ANKS1B: variants seen among roughly 807,000 people sequenced by gnomAD.
ANKS1B encodes the protein ankyrin repeat and sterile alpha motif domain containing 1B, also known as ankyrin repeat and sterile alpha motif domain-containing protein 1B.
Under a neutral mutation model 148.3 loss-of-function variants are expected in ANKS1B, and 36 were observed. The observed-to-expected ratio is 0.24, with a 90% CI of 0.19 to 0.32. The LOEUF (loss-of-function observed/expected upper bound fraction) is 0.32, where lower values mean the gene tolerates loss of function less well. Ranked by LOEUF, ANKS1B falls within the 10% of genes least tolerant of loss-of-function variation. The pLI is 1.00. For synonymous variants in ANKS1B, 542 were observed against 560.8 expected (o/e 0.97, Z 0.47); for missense variants, 1,157 against 1,542.6 (o/e 0.75, Z 4.19).
intron 12 of ANKS1B, among the ~76,000 whole-genome samples, chr12:99,381,607 G>A (rs73151152): frequency 0.13 from 19,106 of 152,110 alleles, 1,296 homozygotes; most frequent in African/African-American, 0.18. Flanking sequence ...GACTTTGTCC[G>A]TTGCATTTAG....
chr12:99,969,577 T>A (rs1343283849), intron 1 of ANKS1B, among the ~76,000 whole-genome samples: 1 of 152,232 alleles, frequency 6.6e-6, no homozygotes, highest in African/African-American at 2.4e-5. Context: ...TTACTGTTCA[T>A]GTGCTATCAA....
intron 14 of ANKS1B, among the ~76,000 whole-genome samples, chr12:99,217,434 C>G (rs1320184557): frequency 6.6e-6 from 1 of 152,232 alleles, no homozygotes; most frequent in Non-Finnish European, 1.5e-5. Context: ...TTCTCAAAAT[C>G]TGGTTCCTGT....
intron 14 of ANKS1B, among the ~76,000 whole-genome samples, chr12:99,221,974 TA>T (rs2085197384): frequency 6.6e-6 from 1 of 152,186 alleles, no homozygotes; most frequent in South Asian, 2.1e-4. Flanking sequence ...TATTATTTTT[TA>T]AAATTTTGCA....
intron 8 of ANKS1B, among the ~76,000 whole-genome samples, chr12:99,755,071 T>TTA (rs1491159044): frequency 1.3e-5 from 2 of 149,352 alleles, no homozygotes; most frequent in Non-Finnish European, 3.0e-5. Context: ...AGCTGCTTTT[T>TTA]AAAAAAAAAA....
intron 1 of ANKS1B, among the ~76,000 whole-genome samples, chr12:99,924,167 G>A (rs2094431715): frequency 2.0e-5 from 3 of 152,080 alleles, no homozygotes; most frequent in Admixed American, 6.6e-5. Context: ...AAGCAAACAA[G>A]TGGCATAAGC....
At chr12:98,768,883 G>GT (rs1443948076) in intron 25 of ANKS1B, among the ~76,000 whole-genome samples, 1 of 39,566 alleles carries the variant, frequency 2.5e-5, no homozygotes, top group East Asian at 3.0e-3. Flanking sequence ...AGCTTCTGTA[G>GT]GGGGGGCTCC....
chr12:99,912,812 T>A (rs764437956), intron 1 of ANKS1B, among the ~76,000 whole-genome samples: 11 of 152,336 alleles, frequency 7.2e-5, no homozygotes, highest in Non-Finnish European at 1.3e-4. Context: ...TGAAATGTCA[T>A]ATGGCACTAT....
chr12:99,585,545 G>C (rs755668932), intron 9 of ANKS1B, among the ~76,000 whole-genome samples: 8 of 152,288 alleles, frequency 5.3e-5, no homozygotes, highest in Non-Finnish European at 8.8e-5. Flanking sequence ...CAGTGCCCCA[G>C]TGCGGACTCT....
At chr12:99,982,675 C>T (rs2095719884) in intron 1 of ANKS1B, among the ~76,000 whole-genome samples, 1 of 152,128 alleles carries the variant, frequency 6.6e-6, no homozygotes, top group African/African-American at 2.4e-5. Context: ...CTGAAATATG[C>T]ACACATTGTC....
chr12:99,083,497 A>C (rs2050562335), intron 16 of ANKS1B, among the ~76,000 whole-genome samples: 1 of 152,148 alleles, frequency 6.6e-6, no homozygotes, highest in Admixed American at 6.5e-5. Flanking sequence ...CAAATTCCTC[A>C]GCCTGACACA....
chr12:99,613,028 C>T lies in ANKS1B; in HGVS notation c.1272+42039G>A, dbSNP rs555763290. Among the ~76,000 whole-genome samples the T allele has an allele frequency of 1.1e-3, 173 of 152,214 alleles. 2 individuals carry two copies. Among genetic ancestry groups the T allele is most frequent in the African/African-American group, 4.1e-3 (171 of 41,558 alleles). ...TGTGTCCTATGCTTAATTCAAATATCTGTGGCACAGCATAGCATCCTTGAA... is the reference window on the plus strand; with the variant it reads ...TGTGTCCTATGCTTAATTCAAATATTTGTGGCACAGCATAGCATCCTTGAA... On this transcript the variant is annotated intron_variant, in intron 9 of 26. Coordinates refer to ENST00000683438, the MANE Select transcript of ANKS1B (RefSeq NM_001352186.2).
chr12:98,745,681 G>T lies in ANKS1B; in HGVS notation c.*58C>A. Reference sequence around the variant, plus strand: ...GGTGGACGCGGAGGCGCGAAGGAAAGCCTGCTCCGGGACCGCTTGGCGAGC... The same window carrying T: ...GGTGGACGCGGAGGCGCGAAGGAAATCCTGCTCCGGGACCGCTTGGCGAGC... On this transcript the variant is annotated 3_prime_UTR_variant, in exon 27 of 27. Transcript: ENST00000683438. The T allele has an allele frequency of 1.9e-6, 3 of 1,596,644 alleles. No homozygotes were observed. Among genetic ancestry groups the T allele is most frequent in the Non-Finnish European group, 2.6e-6 (3 of 1,171,108 alleles).
rs571295599 is a variant in ANKS1B at position 99,785,277 on chromosome 12, G to C, written c.670-3180C>G. ...GTAGGTCGTGTGTGTGTGTGTGTGTGTGTGTCTGTGTGTCTGTGTGTGTTT... is the reference window on the plus strand; with the variant it reads ...GTAGGTCGTGTGTGTGTGTGTGTGTCTGTGTCTGTGTGTCTGTGTGTGTTT... On this transcript the variant is annotated intron_variant, in intron 4 of 26. Coordinates refer to ENST00000683438, the MANE Select transcript of ANKS1B (RefSeq NM_001352186.2). Among the ~76,000 whole-genome samples the C allele has an allele frequency of 2.3e-4, 35 of 150,786 alleles. 1 individual carries two copies. In the South Asian group the frequency reaches 3.6e-3, roughly 15 times the overall value.
At chr12:99,121,728 C>G (rs2062952616) in intron 15 of ANKS1B, among the ~76,000 whole-genome samples, 2 of 152,256 alleles carry the variant, frequency 1.3e-5, no homozygotes, top group East Asian at 3.9e-4. Context: ...TAAGGGCCAT[C>G]AAGAGGTGAA....
At chr12:98,850,769 G>C (rs1206387750) in intron 17 of ANKS1B, among the ~76,000 whole-genome samples, 1 of 133,034 alleles carries the variant, frequency 7.5e-6, no homozygotes, top group Non-Finnish European at 1.6e-5. Context: ...ACCCGGCCCA[G>C]AGAGGCAATT....
At chr12:99,703,408 C>T (rs1225572295) in intron 8 of ANKS1B, among the ~76,000 whole-genome samples, 1 of 152,162 alleles carries the variant, frequency 6.6e-6, no homozygotes, top group African/African-American at 2.4e-5. Flanking sequence ...AACTAACTGG[C>T]ATCCATTGCT....
At chr12:98,877,324 A>G (rs562920446) in intron 17 of ANKS1B, among the ~76,000 whole-genome samples, 1 of 152,342 alleles carries the variant, frequency 6.6e-6, no homozygotes, top group Non-Finnish European at 1.5e-5. Context: ...CTCCAAACGT[A>G]CTGCTGCCAA....
Position 98,843,641 on chromosome 12 carries a change from G to A in ANKS1B, c.2779-11505C>T, listed in dbSNP as rs544388337. On this transcript the variant is annotated intron_variant, in intron 17 of 26. Transcript: ENST00000683438. ...CATGAAGAGTCAATGAAATAGACTG[G>A]CAGTGTGACTACAGTTTAATCGGTG... 5.9e-5 allele frequency among the ~76,000 whole-genome samples: 9 copies of A among 152,314 alleles called. No individual in the cohort carries two copies. In the South Asian group the frequency reaches 1.7e-3, roughly 28 times the overall value.
chr12:99,264,717 G>T (rs2076270232), intron 12 of ANKS1B, among the ~76,000 whole-genome samples: 1 of 152,098 alleles, frequency 6.6e-6, no homozygotes, highest in Non-Finnish European at 1.5e-5. Flanking sequence ...TGTTGCAAAG[G>T]GTGGTCTTAG....
Sources: allele counts gnomAD v4.1 joint callset (sites outside exome capture counted in the v4.1 genomes callset), GRCh38; gene constraint gnomAD v4.1.1; transcripts MANE v1.5; gene names NCBI Gene and HGNC (gene_info 2026-07-23, HGNC 2026-07-21).